SMIM12: variants seen among roughly 807,000 people sequenced by gnomAD.
SMIM12 encodes small integral membrane protein 12, also known as UPF0767 protein C1orf212.
Under a neutral mutation model 6.3 loss-of-function variants are expected in SMIM12, and 5 were observed. The ratio of observed to expected loss-of-function variants is 0.80; its 90% CI spans 0.42 to 1.68. The LOEUF (loss-of-function observed/expected upper bound fraction) is 1.68, where lower values mean the gene tolerates loss of function less well. SMIM12 is among the 40% of genes most tolerant of loss of function. The pLI is 0.02. For synonymous variants in SMIM12, 51 were observed against 48.0 expected, an observed-to-expected ratio of 1.06 and a Z score of -0.26; for missense variants, 103 against 121.4, an observed-to-expected ratio of 0.85 and a Z score of 0.71.
chr1:34,855,891 G>A lies in SMIM12; in HGVS notation c.87C>T (p.Tyr29=). ...TTCCCCTGATGAACCATTCCAGGTGGTAACCCACAGCCCCGACCACGAAGG... is the reference window on the plus strand; with the variant it reads ...TTCCCCTGATGAACCATTCCAGGTGATAACCCACAGCCCCGACCACGAAGG... ...PVAFVVGAVG[Y]HLEWFIRGKD... Residue 29 remains tyrosine (Y), a synonymous_variant, in exon 2 of 2, where the codon TAC becomes TAT. Transcript: ENST00000521580. The A allele has an allele frequency of 6.4e-7, 1 of 1,551,612 alleles. No individual in the cohort carries two copies. Among genetic ancestry groups the A allele is most frequent in the Non-Finnish European group, 8.7e-7 (1 of 1,146,986 alleles).
intron 1 of SMIM12, chr1:34,857,534 C>T (rs978824740): frequency 5.9e-5 from 9 of 152,212 alleles, no homozygotes; most frequent in African/African-American, 2.2e-4. Flanking sequence ...ACATAACCCA[C>T]TATCAGAGGG....
At position 34,850,444 on chromosome 1, in the gene SMIM12, A is replaced by T. The variant is rs1057394375; in HGVS notation, c.*5255T>A. On this transcript the variant is annotated 3_prime_UTR_variant, in exon 2 of 2. Transcript: ENST00000521580. ...CTGCTGGAACAGGATGAAAACTGAT[A>T]CACCGGTTACTAATTACTCTTCACT... Among the ~76,000 whole-genome samples the T allele has an allele frequency of 1.3e-5, 2 of 152,214 alleles. No homozygotes were observed. Among genetic ancestry groups the T allele is most frequent in the Non-Finnish European group, 2.9e-5 (2 of 68,032 alleles).
Position 34,855,445 on chromosome 1 carries a change from T to C in SMIM12, c.*254A>G, listed in dbSNP as rs779091856. 1.3e-6 allele frequency: 2 copies of C among 1,577,384 alleles called. No homozygotes were observed. The highest frequency in any genetic ancestry group is 1.7e-4 in the Middle Eastern group (1 of 5,890). On this transcript the variant is annotated 3_prime_UTR_variant, in exon 2 of 2. Transcript: ENST00000521580. Reference sequence around the variant, plus strand: ...CATCTCATAACTCTCCTCCCAGCAGTGCACCAGTAAACTCAGATGCCTGAG... The same window carrying C: ...CATCTCATAACTCTCCTCCCAGCAGCGCACCAGTAAACTCAGATGCCTGAG...
Position 34,855,415 on chromosome 1 carries a change from A to C in SMIM12, c.*284T>G. 2.0e-6 allele frequency: 3 copies of C among 1,526,536 alleles called. No homozygotes were observed. The highest frequency in any genetic ancestry group is 2.8e-5 in the East Asian group (1 of 36,214). 94.6% of individuals were successfully genotyped at this position (1,526,536 alleles called of 1,614,324 possible). A position where few individuals can be genotyped will look rare whatever the true frequency, so the allele number is the denominator to read the frequency against. ...GCCTGCCCACAGAGATTGACAGCCA[A>C]TGTTCATCTCATAACTCTCCTCCCA... On this transcript the variant is annotated 3_prime_UTR_variant, in exon 2 of 2. Coordinates refer to ENST00000521580, the MANE Select transcript of SMIM12 (RefSeq NM_138428.6).
In SMIM12 at chr1:34,855,332, A is replaced by T. The variant is rs1250450650; in HGVS notation, c.*367T>A. Reference sequence around the variant, plus strand: ...CAGTGCAGACTGGAACTAGACATGCAGGTATCCCTCCTAAAGGCAACGCCC... The same window carrying T: ...CAGTGCAGACTGGAACTAGACATGCTGGTATCCCTCCTAAAGGCAACGCCC... On this transcript the variant is annotated 3_prime_UTR_variant, in exon 2 of 2. Coordinates refer to ENST00000521580, the MANE Select transcript of SMIM12 (RefSeq NM_138428.6). 2.1e-6 allele frequency: 3 copies of T among 1,409,482 alleles called. No homozygotes were observed. The highest frequency in any genetic ancestry group is 3.7e-5 in the Admixed American group (2 of 53,762). 87.3% of individuals were successfully genotyped at this position (1,409,482 alleles called of 1,614,324 possible).
rs2148377696 is a variant in SMIM12, at chr1:34,854,064, G to C, written c.*1635C>G. 6.6e-6 allele frequency: 1 copy of C among 152,010 alleles called. No homozygotes were observed. Among genetic ancestry groups the C allele is most frequent in the African/African-American group, 2.4e-5 (1 of 41,396 alleles). The allele number at this position is 152,010 out of a possible 1,614,324, so 9.4% of individuals were successfully genotyped here. ...CTCACACCTGTAATCCCAGCACTTT[G>C]GGAGGCCGAGGCAGATGGGATCGCT... On this transcript the variant is annotated 3_prime_UTR_variant, in exon 2 of 2. Coordinates refer to ENST00000521580, the MANE Select transcript of SMIM12 (RefSeq NM_138428.6).
rs910875527 is a variant in SMIM12, at chr1:34,854,426, G to C, written c.*1273C>G. 1 of 152,154 alleles carries C rather than the reference G, an allele frequency of 6.6e-6. No individual in the cohort carries two copies. The highest frequency in any genetic ancestry group is 2.1e-4 in the South Asian group (1 of 4,828). 9.4% of individuals were successfully genotyped at this position (152,154 alleles called of 1,614,324 possible). A position where few individuals can be genotyped will look rare whatever the true frequency, so the allele number is the denominator to read the frequency against. On this transcript the variant is annotated 3_prime_UTR_variant, in exon 2 of 2. Transcript: ENST00000521580. ...GTTCTACAAAAAAATAAAAAAATTA[G>C]CTGGGCATGGTGGCATACTCCTGTA... is the stretch of plus-strand genomic sequence containing the variant.
chr1:34,855,021 A>T lies in SMIM12; in HGVS notation c.*678T>A. 1 of 1,257,630 alleles carries T rather than the reference A, an allele frequency of 8.0e-7. No individual in the cohort carries two copies. Among genetic ancestry groups the T allele is most frequent in the African/African-American group, 1.6e-5 (1 of 64,272 alleles). The allele number at this position is 1,257,630 out of a possible 1,614,324, so 77.9% of individuals were successfully genotyped here. On this transcript the variant is annotated 3_prime_UTR_variant, in exon 2 of 2. Transcript: ENST00000521580. ...ACTCCTAAGAAGACCCCCAAATACC[A>T]CCTGGATGATAAGATTCGATCATTA...
In SMIM12 at chr1:34,855,105, T is replaced by TCTC; in HGVS notation, c.*593_*594insGAG. ...ACTATACAGTGATGGGGGTAGAAGA[T>TCTC]GGTGACTGTTTTCAAGCAAATTCAC... On this transcript the variant is annotated 3_prime_UTR_variant, in exon 2 of 2. Transcript: ENST00000521580. 2.3e-6 allele frequency: 3 copies of TCTC among 1,326,136 alleles called. No homozygotes were observed. Among genetic ancestry groups the TCTC allele is most frequent in the East Asian group, 4.6e-5 (1 of 21,610 alleles). 82.1% of individuals were successfully genotyped at this position (1,326,136 alleles called of 1,614,324 possible).
At position 34,851,748 on chromosome 1, in the gene SMIM12, G is replaced by A. The variant is rs1004798318; in HGVS notation, c.*3951C>T. Among the ~76,000 whole-genome samples the A allele has an allele frequency of 3.3e-5, 5 of 152,180 alleles. No individual in the cohort carries two copies. Among genetic ancestry groups the A allele is most frequent in the Non-Finnish European group, 5.9e-5 (4 of 68,034 alleles). On this transcript the variant is annotated 3_prime_UTR_variant, in exon 2 of 2. Coordinates refer to ENST00000521580, the MANE Select transcript of SMIM12 (RefSeq NM_138428.6). ...TGCAGGGAGAGAAGTGATTCCTGCC[G>A]TGCTCGGAGAGGACCCTATACTAAA... is the stretch of plus-strand genomic sequence containing the variant.
rs1454285474 is a variant in SMIM12 at position 34,851,808 on chromosome 1, GT to G, written c.*3890del. Among the ~76,000 whole-genome samples, 14 of 152,322 alleles carry G rather than the reference GT, an allele frequency of 9.2e-5. No individual in the cohort carries two copies. Among genetic ancestry groups the G allele is most frequent in the Admixed American group, 1.3e-4 (2 of 15,300 alleles). On this transcript the variant is annotated 3_prime_UTR_variant, in exon 2 of 2. Coordinates refer to ENST00000521580, the MANE Select transcript of SMIM12 (RefSeq NM_138428.6). The stretch of plus-strand genomic sequence containing the variant: ...ATCATTGGGCTGGGAAGAGACGGGG[GT>G]AAGCGGGGAGCAAAAAGCCCCAAGC...
chr1:34,855,008 A>G lies in SMIM12; in HGVS notation c.*691T>C, dbSNP rs371542977. On this transcript the variant is annotated 3_prime_UTR_variant, in exon 2 of 2. Transcript: ENST00000521580. ...CTGTACTTGCCTAACTCCTAAGAAG[A>G]CCCCCAAATACCACCTGGATGATAA... The G allele has an allele frequency of 4.1e-6, 5 of 1,229,992 alleles. No individual in the cohort carries two copies. Among genetic ancestry groups the G allele is most frequent in the Non-Finnish European group, 4.2e-6 (4 of 945,198 alleles). 76.2% of individuals were successfully genotyped at this position (1,229,992 alleles called of 1,614,324 possible).
rs1396829454 is a variant in SMIM12, at chr1:34,851,926, G to A, written c.*3773C>T. ...CCTCCAAGGTGAATCAGCAAGCATG[G>A]AAGAAAACCGGTCTGCACCTTGGTT... On this transcript the variant is annotated 3_prime_UTR_variant, in exon 2 of 2. Transcript: ENST00000521580. 6.6e-6 allele frequency among the ~76,000 whole-genome samples: 1 copy of A among 152,216 alleles called. No individual in the cohort carries two copies. The highest frequency in any genetic ancestry group is 6.5e-5 in the Admixed American group (1 of 15,282).
At position 34,854,936 on chromosome 1, in the gene SMIM12, G is replaced by T; in HGVS notation, c.*763C>A. On this transcript the variant is annotated 3_prime_UTR_variant, in exon 2 of 2. Coordinates refer to ENST00000521580, the MANE Select transcript of SMIM12 (RefSeq NM_138428.6). ...ACCGCACTAGTAAAGCAGTTTCCAG[G>T]GCTCCTTGGCACCCTTTAATACCAA... The T allele has an allele frequency of 1.6e-6, 1 of 629,286 alleles. No homozygotes were observed. The highest frequency in any genetic ancestry group is 2.2e-6 in the Non-Finnish European group (1 of 444,532). 39.0% of individuals were successfully genotyped at this position (629,286 alleles called of 1,614,324 possible).
At position 34,855,835 on chromosome 1, in the gene SMIM12, C is replaced by G. The variant is rs1222851298; in HGVS notation, c.143G>C (p.Ser48Thr). Residue 48 changes from serine to threonine, a missense_variant, in exon 2 of 2, where the codon AGC (serine) becomes ACC (threonine). Coordinates refer to ENST00000521580, the MANE Select transcript of SMIM12 (RefSeq NM_138428.6). Reference sequence around the variant, plus strand: ...GCGATCCTCCCGGCGCTCTGAGATGCTCTTTTCCTCCTCCACGGGCTGGGG... The same window carrying G: ...GCGATCCTCCCGGCGCTCTGAGATGGTCTTTTCCTCCTCCACGGGCTGGGG... ...KDPQPVEEEKSISERREDRKL... is the reference protein window; with the variant it reads ...KDPQPVEEEKTISERREDRKL... 1 of 1,551,832 alleles carries G rather than the reference C, an allele frequency of 6.4e-7. No homozygotes were observed. The highest frequency in any genetic ancestry group is 8.7e-7 in the Non-Finnish European group (1 of 1,147,096).
rs1638545859 is a variant in SMIM12 at position 34,853,772 on chromosome 1, C to T, written c.*1927G>A. ...GGCCAAGGCAGGCAGATCACAAGGT[C>T]AGAAGTTTGAGACCAGCCTGACCAA... On this transcript the variant is annotated 3_prime_UTR_variant, in exon 2 of 2. Coordinates refer to ENST00000521580, the MANE Select transcript of SMIM12 (RefSeq NM_138428.6). The T allele has an allele frequency of 6.7e-6, 1 of 149,844 alleles. No homozygotes were observed. The highest frequency in any genetic ancestry group is 1.5e-5 in the Non-Finnish European group (1 of 67,596). The allele number at this position is 149,844 out of a possible 1,614,324, so 9.3% of individuals were successfully genotyped here.
chr1:34,855,098 TAGA>T lies in SMIM12; in HGVS notation c.*598_*600del. On this transcript the variant is annotated 3_prime_UTR_variant, in exon 2 of 2. Coordinates refer to ENST00000521580, the MANE Select transcript of SMIM12 (RefSeq NM_138428.6). Reference sequence around the variant, plus strand: ...GTTTTTCACTATACAGTGATGGGGGTAGAAGATGGTGACTGTTTTCAAGCAAAT... The same window carrying T: ...GTTTTTCACTATACAGTGATGGGGGTAGATGGTGACTGTTTTCAAGCAAAT... 2.3e-6 allele frequency: 3 copies of T among 1,319,650 alleles called. No homozygotes were observed. The highest frequency in any genetic ancestry group is 4.6e-5 in the East Asian group (1 of 21,606). 81.7% of individuals were successfully genotyped at this position (1,319,650 alleles called of 1,614,324 possible). A position where few individuals can be genotyped will look rare whatever the true frequency, so the allele number is the denominator to read the frequency against.
chr1:34,859,564 G>C (rs1269015999), intron 1 of SMIM12, 113 bp downstream of exon 1: 1 of 152,460 alleles, frequency 6.6e-6, no homozygotes, highest in African/African-American at 2.4e-5. Context: ...GCCAGAGAGG[G>C]GAGCTGGCAG....
chr1:34,856,845 C>G (rs1189005906), intron 1 of SMIM12: 1 of 152,142 alleles, frequency 6.6e-6, no homozygotes, highest in Non-Finnish European at 1.5e-5. Flanking sequence ...CTGTTCTGAA[C>G]CTGGCTTTTC....
Sources: gnomAD v4.1 joint callset for allele counts (sites outside exome capture counted in the v4.1 genomes callset) on GRCh38, gnomAD v4.1.1 for gene constraint, MANE v1.5 for transcripts, NCBI Gene and HGNC (gene_info 2026-07-23, HGNC 2026-07-21) for gene names.